IKZF1: variants seen among roughly 807,000 people sequenced by gnomAD.
IKZF1 encodes IKAROS family zinc finger 1, also known as DNA-binding protein Ikaros.
Under a neutral mutation model 51.7 loss-of-function variants are expected in IKZF1, and 10 were observed. That is an observed-to-expected ratio of 0.19 (90% CI 0.12 to 0.33). The LOEUF is 0.33. Among genes scored for constraint, IKZF1 ranks in the 10% least tolerant of loss-of-function variants. The pLI, the probability that IKZF1 is intolerant of heterozygous loss-of-function variation, is 1.00. For synonymous variants in IKZF1, 280 were observed against 282.3 expected (o/e 0.99, Z 0.08); for missense variants, 484 against 707.5 (o/e 0.68, Z 3.58).
chr7:50,362,282 G>A (rs552200452), intron 3 of IKZF1, among the ~76,000 whole-genome samples: 5 of 152,348 alleles, frequency 3.3e-5, no homozygotes, highest in African/African-American at 1.2e-4. Context: ...CACCATGAGG[G>A]TAAGTGAGGC....
At chr7:50,397,105 C>G (rs930260981) in intron 7 of IKZF1, among the ~76,000 whole-genome samples, 2 of 152,172 alleles carry the variant, frequency 1.3e-5, no homozygotes. Flanking sequence ...TGAGGTTATT[C>G]TTGACTCACA....
intron 1 of IKZF1, among the ~76,000 whole-genome samples, chr7:50,309,275 G>A (rs548039589): frequency 1.3e-4 from 20 of 152,234 alleles, no homozygotes; most frequent in East Asian, 5.8e-4. Context: ...CTCTCTTCCC[G>A]CCATTGCACA....
chr7:50,371,701 G>A (rs1327476897), intron 3 of IKZF1, among the ~76,000 whole-genome samples: 1 of 152,238 alleles, frequency 6.6e-6, no homozygotes, highest in Non-Finnish European at 1.5e-5. Context: ...GGGCCAAGCT[G>A]AGGAAGTGTG....
intron 1 of IKZF1, among the ~76,000 whole-genome samples, chr7:50,309,101 C>G (rs1018592812): frequency 5.9e-5 from 9 of 152,194 alleles, no homozygotes; most frequent in Non-Finnish European, 2.9e-5. Flanking sequence ...TTCGGATGGC[C>G]CCATGCTCCA....
At chr7:50,373,429 C>T (rs900670905) in intron 3 of IKZF1, among the ~76,000 whole-genome samples, 5 of 152,222 alleles carry the variant, frequency 3.3e-5, no homozygotes, top group Non-Finnish European at 7.3e-5. Flanking sequence ...TCAATTCTCT[C>T]TAGCTGGTTG....
rs868824781 is a variant in IKZF1, at chr7:50,380,265, G to T, written c.422-2275G>T. On this transcript the variant is annotated intron_variant, in intron 4 of 7. Transcript: ENST00000331340. ...GCATAGGCACTCAGAAGCAAAAAAG[G>T]TTTCCAGTGAAATTTGTTTGCAGGC... 5.9e-5 allele frequency among the ~76,000 whole-genome samples: 9 copies of T among 152,320 alleles called. No homozygotes were observed. The South Asian group carries it at 1.0e-3, about 18-fold the overall frequency.
chr7:50,379,438 A>G (rs900961036), intron 4 of IKZF1, among the ~76,000 whole-genome samples: 1 of 152,120 alleles, frequency 6.6e-6, no homozygotes, highest in East Asian at 1.9e-4. Context: ...TAATCAGCTC[A>G]TCGGCACCAG....
intron 3 of IKZF1, among the ~76,000 whole-genome samples, chr7:50,338,634 G>T (rs1490691822): frequency 1.3e-5 from 2 of 152,194 alleles, no homozygotes; most frequent in African/African-American, 4.8e-5. Flanking sequence ...CTCCTTTTAT[G>T]CAAAAGTAGA....
At chr7:50,351,833 G>T (rs1562802517) in intron 3 of IKZF1, among the ~76,000 whole-genome samples, 2 of 152,084 alleles carry the variant, frequency 1.3e-5, no homozygotes. Flanking sequence ...TTTTGGATGA[G>T]GACTCTTCCT....
intron 5 of IKZF1, among the ~76,000 whole-genome samples, chr7:50,385,393 G>A (rs1287436707): frequency 6.6e-6 from 1 of 152,234 alleles, no homozygotes; most frequent in African/African-American, 2.4e-5. Flanking sequence ...CTAGCAACTG[G>A]TGGTGGCCTG....
At chr7:50,361,709 C>G (rs1253240097) in intron 3 of IKZF1, among the ~76,000 whole-genome samples, 1 of 152,178 alleles carries the variant, frequency 6.6e-6, no homozygotes, top group Non-Finnish European at 1.5e-5. Flanking sequence ...AACCCCATCT[C>G]TACCAAAAGT....
In IKZF1 at chr7:50,318,160, CG is replaced by C. The variant is rs1169326383; in HGVS notation, c.-14-887del. ...CGAGCGGCAGGCCAGGACCCAAGTG[CG>C]AAAACACAGAACACCTTTTTGTTTC... On this transcript the variant is annotated intron_variant, in intron 1 of 7. Transcript: ENST00000331340. Among the ~76,000 whole-genome samples, 6 of 2,528 alleles carry C rather than the reference CG, an allele frequency of 2.4e-3. No individual in the cohort carries two copies. In the Non-Finnish European group the frequency reaches 0.047, roughly 20 times the overall value. 1.7% of individuals were successfully genotyped at this position (2,528 alleles called of 152,430 possible).
At chr7:50,398,389 C>A (rs1048889051) in intron 7 of IKZF1, among the ~76,000 whole-genome samples, 32 of 152,182 alleles carry the variant, frequency 2.1e-4, no homozygotes, top group African/African-American at 7.5e-4. Flanking sequence ...GGCTCTGGTT[C>A]CCCAACCTTC....
intron 3 of IKZF1, among the ~76,000 whole-genome samples, chr7:50,344,692 C>T (rs1237870945): frequency 2.0e-5 from 3 of 152,166 alleles, no homozygotes; most frequent in African/African-American, 7.2e-5. Flanking sequence ...TTCACGATCA[C>T]ATAACACAAT....
intron 3 of IKZF1, among the ~76,000 whole-genome samples, chr7:50,365,987 G>A (rs1806817807): frequency 6.6e-6 from 1 of 152,176 alleles, no homozygotes; most frequent in Non-Finnish European, 1.5e-5. Context: ...AACATGGATG[G>A]AGCTGGAGGC....
intron 1 of IKZF1, among the ~76,000 whole-genome samples, chr7:50,311,895 G>A (rs1409375312): frequency 2.0e-5 from 3 of 152,022 alleles, no homozygotes; most frequent in Non-Finnish European, 4.4e-5. Context: ...AGAAAAAAAC[G>A]TTTAAAATAA....
At chr7:50,318,242 G>C (rs1792103955) in intron 1 of IKZF1, among the ~76,000 whole-genome samples, 1 of 151,974 alleles carries the variant, frequency 6.6e-6, no homozygotes, top group Admixed American at 6.5e-5. Context: ...AGTACACTCT[G>C]TGGAACATTC....
At chr7:50,306,241 T>A (rs1032664832) in intron 1 of IKZF1, among the ~76,000 whole-genome samples, 2 of 152,236 alleles carry the variant, frequency 1.3e-5, no homozygotes, top group Admixed American at 6.5e-5. Flanking sequence ...TACACTATTC[T>A]TGCTTGATGG....
At position 50,305,828 on chromosome 7, in the gene IKZF1, G is replaced by T. The variant is rs74403897; in HGVS notation, c.-15+906G>T. 5.8e-4 allele frequency among the ~76,000 whole-genome samples: 88 copies of T among 152,212 alleles called. No individual in the cohort carries two copies. In the East Asian group the frequency reaches 0.017, roughly 29 times the overall value. ...TAAAAGAGGAAAATTTATGGAATTT[G>T]AAAATACTGCGTATGATATTTAAAC... On this transcript the variant is annotated intron_variant, in intron 1 of 7. Coordinates refer to ENST00000331340, the MANE Select transcript of IKZF1 (RefSeq NM_006060.6).
Sources: allele counts gnomAD v4.1 joint callset (sites outside exome capture counted in the v4.1 genomes callset), GRCh38; gene constraint gnomAD v4.1.1; transcripts MANE v1.5; gene names NCBI Gene and HGNC (gene_info 2026-07-23, HGNC 2026-07-21).